The following TRHDE variants were observed in gnomAD, a reference collection of about 807,000 sequenced individuals.
The protein encoded by TRHDE is thyrotropin releasing hormone degrading enzyme, also known as thyrotropin-releasing hormone-degrading ectoenzyme.
A neutral mutation model predicts 125.7 loss-of-function variants in TRHDE; 72 were observed. That is an observed-to-expected ratio of 0.57 (90% confidence interval 0.47 to 0.70). TRHDE has a LOEUF of 0.70. Ranked by LOEUF, TRHDE falls within the 30% of genes least tolerant of loss-of-function variation. TRHDE has a pLI of 0.00. For missense variants in TRHDE, 1,110 were observed against 1,327.1 expected (o/e 0.84, Z 2.54); for synonymous variants, 509 against 509.1 (o/e 1.00, Z 0.00).
intron 6 of TRHDE, among the ~76,000 whole-genome samples, chr12:72,520,470 G>C (rs967751378): frequency 2.6e-5 from 4 of 152,120 alleles, no homozygotes; most frequent in Non-Finnish European, 4.4e-5. Flanking sequence ...TGCGCTTCCT[G>C]AGTGAGGCAA....
rs1456848377 is a variant in TRHDE at position 72,668,791 on chromosome 12, A to G, written c.*5596A>G. 1 of 151,838 alleles carries G rather than the reference A, an allele frequency of 6.6e-6. No individual in the cohort carries two copies. Among genetic ancestry groups the G allele is most frequent in the Non-Finnish European group, 1.5e-5 (1 of 67,838 alleles). 9.4% of individuals were successfully genotyped at this position (151,838 alleles called of 1,614,324 possible). ...TCAGTTTACATAATTAATTAGTGGT[A>G]TTCACTTGGATTCAAAACTCTGCAA... is the stretch of plus-strand genomic sequence containing the variant. On this transcript the variant is annotated 3_prime_UTR_variant, in exon 19 of 19. Transcript: ENST00000261180.
At chr12:72,181,119 T>C (rs1393391632) in intron 2 of TRHDE, among the ~76,000 whole-genome samples, 1 of 152,186 alleles carries the variant, frequency 6.6e-6, no homozygotes, top group Admixed American at 6.5e-5. Flanking sequence ...ATTGGTTTTG[T>C]TATATAGAGC....
At chr12:72,214,846 T>C (rs1024881404) in intron 2 of TRHDE, among the ~76,000 whole-genome samples, 2 of 152,138 alleles carry the variant, frequency 1.3e-5, no homozygotes, top group African/African-American at 4.8e-5. Flanking sequence ...AAACAAAATA[T>C]TTTTTGTTTA....
chr12:72,470,767 T>C (rs1047783583), intron 4 of TRHDE, among the ~76,000 whole-genome samples: 8 of 150,654 alleles, frequency 5.3e-5, no homozygotes, highest in African/African-American at 1.7e-4. Flanking sequence ...AAAAATGCCG[T>C]CAGTGAAAGA....
intron 2 of TRHDE, among the ~76,000 whole-genome samples, chr12:72,162,245 A>G (rs1158562574): frequency 1.3e-5 from 2 of 152,224 alleles, no homozygotes; most frequent in Admixed American, 6.5e-5. Context: ...CTTTAGAAAT[A>G]TTATTGCATG....
chr12:72,658,497 C>A (rs907887120), intron 18 of TRHDE, among the ~76,000 whole-genome samples: 1 of 151,978 alleles, frequency 6.6e-6, no homozygotes, highest in Non-Finnish European at 1.5e-5. Context: ...CTCTCTTATC[C>A]CTTCTTTAAT....
intron 6 of TRHDE, among the ~76,000 whole-genome samples, chr12:72,503,501 GT>G (rs1231903144): frequency 1.3e-5 from 2 of 152,116 alleles, no homozygotes; most frequent in African/African-American, 4.8e-5. Flanking sequence ...AACCAGTGCA[GT>G]AACATATGAG....
At chr12:72,172,768 C>T (rs1299887441) in intron 2 of TRHDE, among the ~76,000 whole-genome samples, 1 of 152,186 alleles carries the variant, frequency 6.6e-6, no homozygotes, top group Non-Finnish European at 1.5e-5. Context: ...GAAGTTGGTT[C>T]CAATGTTAAA....
At position 72,669,164 on chromosome 12, in the gene TRHDE, G is replaced by A. The variant is rs543034191; in HGVS notation, c.*5969G>A. Reference sequence around the variant, plus strand: ...AATAAGTGAAAAGACAGAATAAATTGCAAAGGTTTTACGAGTGGACCACAA... The same window carrying A: ...AATAAGTGAAAAGACAGAATAAATTACAAAGGTTTTACGAGTGGACCACAA... On this transcript the variant is annotated 3_prime_UTR_variant, in exon 19 of 19. Transcript: ENST00000261180. 30 of 151,734 alleles carry A rather than the reference G, an allele frequency of 2.0e-4. No homozygotes were observed. Among genetic ancestry groups the A allele is most frequent in the Non-Finnish European group, 4.0e-4 (27 of 67,770 alleles). 9.4% of individuals were successfully genotyped at this position (151,734 alleles called of 1,614,324 possible).
At chr12:72,361,092 T>C (rs1275091395) in intron 2 of TRHDE, among the ~76,000 whole-genome samples, 2 of 151,902 alleles carry the variant, frequency 1.3e-5, no homozygotes, top group Non-Finnish European at 2.9e-5. Context: ...TGGTTTTCTG[T>C]TCCTGCGCTA....
At chr12:72,166,606 C>T (rs1054691729) in intron 2 of TRHDE, among the ~76,000 whole-genome samples, 1 of 152,188 alleles carries the variant, frequency 6.6e-6, no homozygotes, top group Admixed American at 6.5e-5. Flanking sequence ...GAAAGTATTA[C>T]ATATTTCTAA....
At chr12:72,471,417 T>A (rs990230244) in intron 4 of TRHDE, among the ~76,000 whole-genome samples, 2 of 152,204 alleles carry the variant, frequency 1.3e-5, no homozygotes, top group Non-Finnish European at 2.9e-5. Flanking sequence ...GATATATAGT[T>A]CTGTGGAAGT....
intron 2 of TRHDE, among the ~76,000 whole-genome samples, chr12:72,357,479 G>A (rs543948369): frequency 6.6e-6 from 1 of 151,502 alleles, no homozygotes; most frequent in South Asian, 2.1e-4. Context: ...TTCTGTGTCT[G>A]GCTTATTTCC....
chr12:72,622,813 A>G (rs1202669338), intron 15 of TRHDE, among the ~76,000 whole-genome samples: 3 of 152,060 alleles, frequency 2.0e-5, no homozygotes, highest in Non-Finnish European at 2.9e-5. Flanking sequence ...CTTTCACTAC[A>G]TTATTTAGTA....
upstream of TRHDE, among the ~76,000 whole-genome samples, chr12:72,270,654 C>T (rs1334971210): frequency 1.3e-5 from 2 of 151,660 alleles, no homozygotes; most frequent in African/African-American, 4.9e-5. Context: ...CTATTATTCA[C>T]TTTTTTAATT....
In TRHDE at chr12:72,596,851, A is replaced by G. The variant is rs191290527; in HGVS notation, c.2321+21309A>G. 3.3e-3 allele frequency among the ~76,000 whole-genome samples: 505 copies of G among 152,334 alleles called. 3 individuals carry two copies. Among genetic ancestry groups the G allele is most frequent in the African/African-American group, 0.012 (494 of 41,574 alleles). On this transcript the variant is annotated intron_variant, in intron 12 of 18. Transcript: ENST00000261180. ...TAGAAGAAGGAGGAAAACATTTTAA[A>G]AAATCAGCATGAAAAAGATAAAATG...
At chr12:72,404,305 A>G (rs2120739) in intron 3 of TRHDE, among the ~76,000 whole-genome samples, 53,574 of 151,852 alleles carry the variant, frequency 0.35, 13,564 homozygotes, top group African/African-American at 0.7. Flanking sequence ...GGTGACACAC[A>G]CCTGAAGTCC....
chr12:72,408,905 T>G (rs1873378224), intron 3 of TRHDE, among the ~76,000 whole-genome samples: 1 of 152,140 alleles, frequency 6.6e-6, no homozygotes, highest in South Asian at 2.1e-4. Flanking sequence ...GTCTAATATA[T>G]GAATTCTCAT....
At chr12:72,633,129 A>C (rs1873568225) in intron 15 of TRHDE, among the ~76,000 whole-genome samples, 1 of 151,996 alleles carries the variant, frequency 6.6e-6, no homozygotes, top group South Asian at 2.1e-4. Context: ...ACTTAGATCA[A>C]GTGAGTGTCC....
Sources: allele counts gnomAD v4.1 joint callset (sites outside exome capture counted in the v4.1 genomes callset), GRCh38; gene constraint gnomAD v4.1.1; transcripts MANE v1.5; gene names NCBI Gene and HGNC (gene_info 2026-07-23, HGNC 2026-07-21).